Variants in MED15 observed in about 807,000 individuals in gnomAD.
MED15 encodes mediator of RNA polymerase II transcription subunit 15.
In MED15, 41 loss-of-function variants were observed where a neutral mutation model predicts 118.7. That is an observed-to-expected ratio of 0.35 (90% CI 0.27 to 0.45). The LOEUF (loss-of-function observed/expected upper bound fraction) is 0.45, where lower values mean the gene tolerates loss of function less well. Among genes scored for constraint, MED15 ranks in the 20% least tolerant of loss-of-function variants. MED15 has a pLI of 1.00. For synonymous variants in MED15, 436 were observed against 413.9 expected, an observed-to-expected ratio of 1.05 and a Z score of -0.65; for missense variants, 740 against 1,025.5, an observed-to-expected ratio of 0.72 and a Z score of 3.80.
At chr22:20,508,344 C>A (rs1167860524) in intron 1 of MED15, 3 of 1,304,084 alleles carry the variant, frequency 2.3e-6, no homozygotes, top group Non-Finnish European at 3.0e-6. Context: ...GGTCAGTGGC[C>A]CCGCTCAGAG....
At chr22:20,519,260 T>C (rs949377655) in intron 1 of MED15, among the ~76,000 whole-genome samples, 2 of 152,084 alleles carry the variant, frequency 1.3e-5, no homozygotes, top group Admixed American at 6.6e-5. Flanking sequence ...ATAAGGGAGA[T>C]GTTCGCCTCA....
At chr22:20,517,802 A>G (rs1049233330) in intron 1 of MED15, among the ~76,000 whole-genome samples, 9 of 152,156 alleles carry the variant, frequency 5.9e-5, no homozygotes, top group African/African-American at 2.2e-4. Context: ...CAGAAACACC[A>G]CAGGAAGATG....
intron 5 of MED15, among the ~76,000 whole-genome samples, chr22:20,559,807 T>C (rs1361118553): frequency 6.6e-6 from 1 of 152,254 alleles, no homozygotes; most frequent in East Asian, 1.9e-4. Flanking sequence ...CTAAAGGATA[T>C]ATCTTTTTTT....
At chr22:20,511,340 CA>C (rs1400576943) in intron 1 of MED15, among the ~76,000 whole-genome samples, 3 of 151,630 alleles carry the variant, frequency 2.0e-5, no homozygotes, top group Non-Finnish European at 4.4e-5. Context: ...ACAAATACAA[CA>C]ATCAGCTGGG....
At chr22:20,551,835 T>G in intron 3 of MED15, 2 of 318,090 alleles carry the variant, frequency 6.3e-6, no homozygotes, top group South Asian at 6.5e-5. Flanking sequence ...CTCTCTTCCC[T>G]AAAAGTTGAT....
intron 2 of MED15, among the ~76,000 whole-genome samples, chr22:20,543,719 G>A (rs1040573965): frequency 3.3e-5 from 5 of 150,050 alleles, no homozygotes; most frequent in Admixed American, 1.3e-4. Flanking sequence ...CACCACGCCC[G>A]GCTAATTTTT....
intron 2 of MED15, among the ~76,000 whole-genome samples, chr22:20,544,799 C>T (rs1180968200): frequency 6.6e-6 from 1 of 152,206 alleles, no homozygotes; most frequent in African/African-American, 2.4e-5. Context: ...CATCTTTTAG[C>T]TTTTGGTCAC....
In MED15 at chr22:20,585,825, C is replaced by T. The variant is rs371498708; in HGVS notation, c.2229C>T (p.Tyr743=). Reference sequence around the variant, plus strand: ...TGTGGATAGACCGGCAGTGGCAGTACGGTAGGTAGACCCAGAGGAGCTGTC... The same window carrying T: ...TGTGGATAGACCGGCAGTGGCAGTATGGTAGGTAGACCCAGAGGAGCTGTC... ...SPLWIDRQWQ[Y]DANPFLQSVH... is the part of the protein sequence containing the mutation. Residue 743 remains tyrosine (Y), a splice_region_variant and synonymous_variant, in exon 17 of 18, where the codon TAC becomes TAT. Coordinates refer to ENST00000263205, the MANE Select transcript of MED15 (RefSeq NM_001003891.3). 564 of 1,612,588 alleles carry T rather than the reference C, an allele frequency of 3.5e-4. 3 individuals carry two copies. In the South Asian group the frequency reaches 4.3e-3, roughly 12 times the overall value.
intron 2 of MED15, among the ~76,000 whole-genome samples, chr22:20,547,623 T>C (rs2146498313): frequency 6.6e-6 from 1 of 151,732 alleles, no homozygotes. Context: ...ATCGAGACCA[T>C]CCTGGCTAAC....
chr22:20,556,302 G>GTTT (rs361842), intron 5 of MED15, among the ~76,000 whole-genome samples: 3 of 140,072 alleles, frequency 2.1e-5, no homozygotes, highest in Non-Finnish European at 3.1e-5. Flanking sequence ...GACTTCATCA[G>GTTT]TTTTTTTTTT....
At chr22:20,523,736 C>T (rs546107434) in intron 1 of MED15, 1 of 984,474 alleles carries the variant, frequency 1.0e-6, no homozygotes, top group East Asian at 1.1e-4. Context: ...GCCTTTCCAA[C>T]TCTGCTGGTT....
chr22:20,534,540 AG>A (rs201219770), intron 1 of MED15, among the ~76,000 whole-genome samples: 19 of 152,072 alleles, frequency 1.2e-4, no homozygotes, highest in African/African-American at 2.2e-4. Context: ...AAGAAGAAAA[AG>A]AAAAAAGGAA....
intron 2 of MED15, among the ~76,000 whole-genome samples, chr22:20,547,541 C>G (rs1356226204): frequency 1.3e-5 from 2 of 152,126 alleles, no homozygotes; most frequent in African/African-American, 4.8e-5. Flanking sequence ...AAAAATTGGC[C>G]AGGCGTGGTG....
At chr22:20,571,925 T>C (rs1271089976) in intron 8 of MED15, among the ~76,000 whole-genome samples, 3 of 152,204 alleles carry the variant, frequency 2.0e-5, no homozygotes, top group African/African-American at 7.2e-5. Flanking sequence ...AAGGTCATGC[T>C]ATCCTGGGGT....
intron 2 of MED15, among the ~76,000 whole-genome samples, chr22:20,546,055 C>T (rs1175935108): frequency 1.3e-5 from 2 of 152,146 alleles, no homozygotes. Context: ...TCACTATTGT[C>T]ATCAATGGGA....
intron 1 of MED15, among the ~76,000 whole-genome samples, chr22:20,511,681 C>T (rs1392083081): frequency 6.6e-6 from 1 of 151,878 alleles, no homozygotes; most frequent in Non-Finnish European, 1.5e-5. Context: ...ACAGCCATTG[C>T]AGGGACTCTC....
At chr22:20,557,897 G>T (rs1338424728) in intron 5 of MED15, among the ~76,000 whole-genome samples, 1 of 152,212 alleles carries the variant, frequency 6.6e-6, no homozygotes, top group Admixed American at 6.5e-5. Context: ...ACGAGGTCAG[G>T]AGATCGAGAC....
At position 20,563,843 on chromosome 22, in the gene MED15, G is replaced by T. The variant is rs376006245; in HGVS notation, c.452-607G>T. Among the ~76,000 whole-genome samples the T allele has an allele frequency of 1.7e-4, 26 of 152,276 alleles. No homozygotes were observed. In the East Asian group the frequency reaches 2.5e-3, roughly 15 times the overall value. ...GTTTTAGTGTAATCCACAGAGTTGT[G>T]CAGCCATCAGCACAATTTTAGAACA... On this transcript the variant is annotated intron_variant, in intron 5 of 17. Transcript: ENST00000263205.
intron 1 of MED15, among the ~76,000 whole-genome samples, chr22:20,534,127 T>C (rs143990465): frequency 5.9e-4 from 90 of 152,216 alleles, no homozygotes; most frequent in African/African-American, 2.1e-3. Flanking sequence ...TGCACCCTTC[T>C]TCCTCTCTGA....
Sources: gnomAD v4.1 joint callset for allele counts (sites outside exome capture counted in the v4.1 genomes callset) on GRCh38, gnomAD v4.1.1 for gene constraint, MANE v1.5 for transcripts, NCBI Gene and HGNC (gene_info 2026-07-23, HGNC 2026-07-21) for gene names.